The following MTM1 variants were observed in gnomAD, a reference collection of about 807,000 sequenced individuals.
The protein encoded by MTM1 is myotubularin.
MTM1 carries 9 observed loss-of-function variants against 52.1 expected under a neutral mutation model. That is an observed-to-expected ratio of 0.17 (90% CI 0.10 to 0.30). The LOEUF is 0.30. Among genes scored for constraint, MTM1 ranks in the 10% least tolerant of loss-of-function variants. The pLI is 1.00. For synonymous variants in MTM1, 136 were observed against 163.8 expected (o/e 0.83, Z 1.29); for missense variants, 277 against 470.7 (o/e 0.59, Z 3.81).
chrX:150,649,110 G>A (rs2039979689), intron 9 of MTM1, among the ~76,000 whole-genome samples: 1 of 112,317 alleles, frequency 8.9e-6, no homozygotes. Context: ...ATAGAGTGTG[G>A]TTCCTTTAAT....
rs59931479 is a variant in MTM1 at position 150,647,194 on chromosome X, AATAT to A, written c.867+1347_867+1350del. The stretch of plus-strand genomic sequence containing the variant: ...TATCTTTCATATATATTTCAGGGTG[AATAT>A]ATATATATATATATATATATATAGC... On this transcript the variant is annotated intron_variant, in intron 9 of 14. Coordinates refer to ENST00000370396, the MANE Select transcript of MTM1 (RefSeq NM_000252.3). Among the ~76,000 whole-genome samples the A allele has an allele frequency of 1.0e-3, 85 of 83,841 alleles. No individual in the cohort carries two copies. The East Asian group carries it at 0.014, about 14-fold the overall frequency. 72.8% of individuals were successfully genotyped at this position (83,841 alleles called of 115,157 possible).
upstream of MTM1, among the ~76,000 whole-genome samples, chrX:150,567,150 GAAAA>G (rs2038273310): frequency 9.0e-6 from 1 of 110,896 alleles, no homozygotes. Flanking sequence ...CTGGAGGAAA[GAAAA>G]AACCCAGTGC....
chrX:150,569,396 CA>C (rs1171037671), intron 1 of MTM1, among the ~76,000 whole-genome samples: 1 of 113,028 alleles, frequency 8.8e-6, no homozygotes, highest in African/African-American at 3.2e-5. Flanking sequence ...GAATCTGCTG[CA>C]AAAATTATAT....
intron 10 of MTM1, among the ~76,000 whole-genome samples, chrX:150,652,658 T>TATACAC (rs781892437): frequency 1.2e-5 from 1 of 82,464 alleles, no homozygotes; most frequent in Admixed American, 1.5e-4. Flanking sequence ...TATATATATA[T>TATACAC]ACACACACAC....
chrX:150,606,843 C>G (rs2039167738), intron 4 of MTM1, among the ~76,000 whole-genome samples: 1 of 99,419 alleles, frequency 1.0e-5, no homozygotes, highest in Non-Finnish European at 2.1e-5. Context: ...TCTTCCCTTC[C>G]TTCCCTCCCT....
At chrX:150,619,741 C>T (rs1207774782) in intron 6 of MTM1, among the ~76,000 whole-genome samples, 3 of 111,540 alleles carry the variant, frequency 2.7e-5, no homozygotes, top group African/African-American at 6.5e-5. Context: ...TTTTTACTGC[C>T]GTGCCTTGCT....
At chrX:150,647,725 C>T (rs1386545506) in intron 9 of MTM1, among the ~76,000 whole-genome samples, 3 of 111,919 alleles carry the variant, frequency 2.7e-5, no homozygotes, top group Non-Finnish European at 5.6e-5. Flanking sequence ...CTCCTTGGAC[C>T]TAATTGTTCC....
intron 1 of MTM1, among the ~76,000 whole-genome samples, chrX:150,577,348 A>G (rs2038490534): frequency 8.9e-6 from 1 of 112,299 alleles, no homozygotes; most frequent in Non-Finnish European, 1.9e-5. Flanking sequence ...GCTGGGCCAT[A>G]TGTTTAGTGT....
chrX:150,658,396 G>A (rs1226140887), intron 11 of MTM1, among the ~76,000 whole-genome samples: 5 of 111,131 alleles, frequency 4.5e-5, no homozygotes, highest in South Asian at 3.8e-4. Flanking sequence ...AAAAATCATC[G>A]AGAGATGAAT....
chrX:150,573,182 G>A (rs1486781250), intron 1 of MTM1, among the ~76,000 whole-genome samples: 1 of 112,461 alleles, frequency 8.9e-6, no homozygotes, highest in Non-Finnish European at 1.9e-5. Flanking sequence ...TCTGTTGCAT[G>A]TCTAGAGATC....
At chrX:150,642,766 G>A (rs367674428) in intron 8 of MTM1, among the ~76,000 whole-genome samples, 46 of 111,574 alleles carry the variant, frequency 4.1e-4, no homozygotes, top group Admixed American at 2.4e-3. Context: ...AGCATCTACC[G>A]TGTCATTTGT....
At chrX:150,666,887 T>A (rs894936538) in intron 14 of MTM1, among the ~76,000 whole-genome samples, 1 of 111,397 alleles carries the variant, frequency 9.0e-6, no homozygotes, top group East Asian at 2.8e-4. Context: ...AATCAATCTG[T>A]CAGGAGAGCT....
intron 6 of MTM1, among the ~76,000 whole-genome samples, chrX:150,636,635 C>T (rs782490854): frequency 8.9e-6 from 1 of 111,868 alleles, no homozygotes; most frequent in South Asian, 3.7e-4. Context: ...GAACAAAAAC[C>T]ATGTTGAGGT....
chrX:150,667,239 C>CA (rs2040319261), intron 14 of MTM1, among the ~76,000 whole-genome samples: 1 of 111,525 alleles, frequency 9.0e-6, no homozygotes, highest in African/African-American at 3.3e-5. Flanking sequence ...CTCACATGCT[C>CA]AGCTTCAGCC....
At position 150,663,255 on chromosome X, in the gene MTM1, C is replaced by T. The variant is rs140250283; in HGVS notation, c.1468-178C>T. On this transcript the variant is annotated intron_variant, in intron 13 of 14. Transcript: ENST00000370396. ...GCTAGGCCATTACCTATGCAAATAT[C>T]GATAAGTGGCTGCCAAGCACTCACT... 251 of 479,666 alleles carry T rather than the reference C, an allele frequency of 5.2e-4. No homozygotes were observed. The African/African-American group carries it at 5.4e-3, about 10-fold the overall frequency. The allele number at this position is 479,666 out of a possible 1,213,427, so 39.5% of individuals were successfully genotyped here.
At chrX:150,596,967 A>G (rs1369233370) in intron 3 of MTM1, 5 of 138,833 alleles carry the variant, frequency 3.6e-5, no homozygotes, top group Admixed American at 7.8e-5. Flanking sequence ...TCTTTGAAAT[A>G]TAGGAGAACA....
chrX:150,569,196 CGA>C (rs1414392510), intron 1 of MTM1, among the ~76,000 whole-genome samples: 5 of 113,451 alleles, frequency 4.4e-5, no homozygotes, highest in African/African-American at 1.6e-4. Flanking sequence ...GTGTCATACA[CGA>C]GAGGTTTATC....
intron 6 of MTM1, among the ~76,000 whole-genome samples, chrX:150,638,237 C>T (rs2039785335): frequency 9.0e-6 from 1 of 111,500 alleles, no homozygotes; most frequent in African/African-American, 3.3e-5. Context: ...TCTTCAGATG[C>T]CTCTTAGGCA....
rs141466945 is a variant in MTM1, at chrX:150,667,485, A to G, written c.1644+3876A>G. Reference sequence around the variant, plus strand: ...TTTGTCCGTCTCCCCCTGCTAGAAGATAAAGGCCATAAAAATAGGTATTTG... The same window carrying G: ...TTTGTCCGTCTCCCCCTGCTAGAAGGTAAAGGCCATAAAAATAGGTATTTG... On this transcript the variant is annotated intron_variant, in intron 14 of 14. Coordinates refer to ENST00000370396, the MANE Select transcript of MTM1 (RefSeq NM_000252.3). Among the ~76,000 whole-genome samples, 417 of 111,726 alleles carry G rather than the reference A, an allele frequency of 3.7e-3. 4 individuals carry two copies. The highest frequency in any genetic ancestry group is 0.012 in the African/African-American group (376 of 30,744).
Sources: allele counts gnomAD v4.1 joint callset (sites outside exome capture counted in the v4.1 genomes callset), GRCh38; gene constraint gnomAD v4.1.1; transcripts MANE v1.5; gene names NCBI Gene and HGNC (gene_info 2026-07-23, HGNC 2026-07-21).